PRKCB: variants seen among roughly 807,000 people sequenced by gnomAD.
PRKCB encodes the protein protein kinase C beta type.
In PRKCB, 13 loss-of-function variants were observed where a neutral mutation model predicts 81.5. The observed-to-expected ratio is 0.16, with a 90% CI of 0.10 to 0.25. The LOEUF is 0.25. Ranked by LOEUF, PRKCB falls within the 10% of genes least tolerant of loss-of-function variation. PRKCB has a pLI of 1.00. For missense variants in PRKCB, 509 were observed against 875.7 expected (o/e 0.58, Z 5.29); for synonymous variants, 335 against 321.4 (o/e 1.04, Z -0.45).
At chr16:24,095,188 G>A (rs1966425199) in intron 7 of PRKCB, among the ~76,000 whole-genome samples, 1 of 152,206 alleles carries the variant, frequency 6.6e-6, no homozygotes, top group Non-Finnish European at 1.5e-5. Flanking sequence ...GATTTATCAA[G>A]ATGGGAGAAT....
chr16:23,969,662 C>T (rs1964531069), intron 2 of PRKCB, among the ~76,000 whole-genome samples: 1 of 152,102 alleles, frequency 6.6e-6, no homozygotes, highest in African/African-American at 2.4e-5. Context: ...ATTGTAATTG[C>T]CATCATCGTC....
At chr16:23,927,396 G>A (rs1170344590) in intron 2 of PRKCB, among the ~76,000 whole-genome samples, 1 of 152,102 alleles carries the variant, frequency 6.6e-6, no homozygotes, top group Non-Finnish European at 1.5e-5. Flanking sequence ...CAAGCTCAGA[G>A]AAAAGGAAGT....
At chr16:24,008,204 G>A (rs923294413) in intron 3 of PRKCB, among the ~76,000 whole-genome samples, 15 of 152,190 alleles carry the variant, frequency 9.9e-5, no homozygotes, top group Non-Finnish European at 1.5e-4. Flanking sequence ...CCAGCTCTAG[G>A]CCCTCTGGCC....
chr16:23,892,630 G>A lies in PRKCB; in HGVS notation c.205+55224G>A, dbSNP rs184911640. ...AAAACCATGTATGAGTGAGTAGGCA[G>A]ATGGTCTTATTTATTACTTCGTTCA... is the stretch of plus-strand genomic sequence containing the variant. On this transcript the variant is annotated intron_variant, in intron 2 of 16. Coordinates refer to ENST00000643927, the MANE Select transcript of PRKCB (RefSeq NM_002738.7). 7.3e-3 allele frequency among the ~76,000 whole-genome samples: 1,110 copies of A among 152,286 alleles called. 39 individuals carry two copies. The East Asian group carries it at 0.11, about 15-fold the overall frequency.
At chr16:24,015,356 A>G (rs1348348475) in intron 3 of PRKCB, among the ~76,000 whole-genome samples, 1 of 152,174 alleles carries the variant, frequency 6.6e-6, no homozygotes, top group Non-Finnish European at 1.5e-5. Flanking sequence ...CTGGTGTTGA[A>G]TTTGCACATT....
chr16:24,186,481 C>T (rs1325131963), intron 15 of PRKCB, among the ~76,000 whole-genome samples: 1 of 152,194 alleles, frequency 6.6e-6, no homozygotes, highest in Non-Finnish European at 1.5e-5. Flanking sequence ...ATGTTCTACA[C>T]ATAATATACT....
intron 2 of PRKCB, among the ~76,000 whole-genome samples, chr16:23,874,166 C>T (rs1962957024): frequency 6.6e-6 from 1 of 152,222 alleles, no homozygotes; most frequent in Admixed American, 6.5e-5. Context: ...CAATGTCTGT[C>T]TTTCCGTGTC....
chr16:23,877,593 C>A (rs1327185660), intron 2 of PRKCB, among the ~76,000 whole-genome samples: 1 of 152,178 alleles, frequency 6.6e-6, no homozygotes, highest in African/African-American at 2.4e-5. Flanking sequence ...GCATGCCGCA[C>A]TGTCAAAACT....
intron 7 of PRKCB, among the ~76,000 whole-genome samples, chr16:24,097,864 G>T (rs1266874154): frequency 6.6e-6 from 1 of 152,178 alleles, no homozygotes; most frequent in African/African-American, 2.4e-5. Flanking sequence ...GAATGTCTGG[G>T]TTACATAAGG....
chr16:23,982,088 CCCTTTCCTTTTCCCTT>C (rs1964734224), intron 2 of PRKCB, among the ~76,000 whole-genome samples: 1 of 95,766 alleles, frequency 1.0e-5, no homozygotes, highest in Admixed American at 1.0e-4. Flanking sequence ...CCTTTCCCTT[CCCTTTCCTTTTCCCTT>C]CCCTTCCCTT....
chr16:24,026,639 T>C (rs1965483272), intron 3 of PRKCB, among the ~76,000 whole-genome samples: 1 of 152,170 alleles, frequency 6.6e-6, no homozygotes, highest in Non-Finnish European at 1.5e-5. Flanking sequence ...TTGGCCTCTG[T>C]AAGATCAATA....
intron 5 of PRKCB, among the ~76,000 whole-genome samples, chr16:24,091,348 T>C (rs1232035376): frequency 6.6e-6 from 1 of 152,242 alleles, no homozygotes; most frequent in African/African-American, 2.4e-5. Context: ...GTATTCACCT[T>C]TTAGCAGATA....
At chr16:24,189,726 A>G (rs1352481588) in intron 15 of PRKCB, among the ~76,000 whole-genome samples, 1 of 151,722 alleles carries the variant, frequency 6.6e-6, no homozygotes, top group Non-Finnish European at 1.5e-5. Flanking sequence ...TACACTTTAT[A>G]TGACAAGTAC....
At chr16:24,029,689 A>G (rs1005533460) in intron 3 of PRKCB, among the ~76,000 whole-genome samples, 2 of 152,204 alleles carry the variant, frequency 1.3e-5, no homozygotes, top group Non-Finnish European at 2.9e-5. Flanking sequence ...AAGAATATCT[A>G]TGTAGTATGT....
At chr16:23,983,022 A>C (rs920766523) in intron 2 of PRKCB, among the ~76,000 whole-genome samples, 2 of 152,040 alleles carry the variant, frequency 1.3e-5, no homozygotes, top group African/African-American at 4.8e-5. Context: ...ATTATGAAGC[A>C]TCTGGAGATT....
chr16:23,982,124 CTTCCCTTCCCT>C (rs1567333967), intron 2 of PRKCB, among the ~76,000 whole-genome samples: 10 of 22,792 alleles, frequency 4.4e-4, no homozygotes, highest in African/African-American at 2.3e-3. Flanking sequence ...TTCCCTTCCC[CTTCCCTTCCCT>C]TTCCCTTCCC....
chr16:23,875,062 G>C (rs1289242456), intron 2 of PRKCB, among the ~76,000 whole-genome samples: 2 of 147,086 alleles, frequency 1.4e-5, no homozygotes, highest in Non-Finnish European at 3.0e-5. Flanking sequence ...TTTGAGACGG[G>C]GTCTTGCTCT....
At chr16:24,075,887 G>T (rs1186291969) in intron 5 of PRKCB, among the ~76,000 whole-genome samples, 1 of 152,124 alleles carries the variant, frequency 6.6e-6, no homozygotes, top group African/African-American at 2.4e-5. Context: ...CAGGTTGCTG[G>T]GTTCCATCCT....
chr16:23,955,003 G>A (rs918437465), intron 2 of PRKCB, among the ~76,000 whole-genome samples: 5 of 152,224 alleles, frequency 3.3e-5, no homozygotes, highest in African/African-American at 7.2e-5. Context: ...CAACAGTCCT[G>A]AAGAGGACTG....
Sources: gnomAD v4.1 joint callset for allele counts (sites outside exome capture counted in the v4.1 genomes callset) on GRCh38, gnomAD v4.1.1 for gene constraint, MANE v1.5 for transcripts, NCBI Gene and HGNC (gene_info 2026-07-23, HGNC 2026-07-21) for gene names.